The following ENOX1 variants were observed in gnomAD, a reference collection of about 807,000 sequenced individuals.
ENOX1 encodes candidate growth-related and time keeping constitutive hydroquinone (NADH) oxidase.
A neutral mutation model predicts 82.5 loss-of-function variants in ENOX1; 42 were observed. That is an observed-to-expected ratio of 0.51 (90% CI 0.40 to 0.66). The LOEUF (loss-of-function observed/expected upper bound fraction) is 0.66. ENOX1 is among the 30% of genes least tolerant of loss of function. The pLI, the probability that ENOX1 is intolerant of heterozygous loss-of-function variation, is 0.00. For synonymous variants in ENOX1, 271 were observed against 282.2 expected (o/e 0.96, Z 0.40); for missense variants, 608 against 811.6 (o/e 0.75, Z 3.05).
intron 5 of ENOX1, among the ~76,000 whole-genome samples, chr13:43,362,100 T>G (rs1010672872): frequency 3.3e-5 from 5 of 151,900 alleles, no homozygotes; most frequent in African/African-American, 1.2e-4. Flanking sequence ...ACTTTCTTCC[T>G]ATAATTTAGT....
chr13:43,652,487 C>T (rs1463744745), intron 2 of ENOX1, among the ~76,000 whole-genome samples: 1 of 152,064 alleles, frequency 6.6e-6, no homozygotes, highest in Non-Finnish European at 1.5e-5. Flanking sequence ...TTGCTCTGGA[C>T]CACTTAAAGA....
At chr13:43,432,954 C>T (rs953294935) in intron 3 of ENOX1, among the ~76,000 whole-genome samples, 1 of 152,062 alleles carries the variant, frequency 6.6e-6, no homozygotes, top group African/African-American at 2.4e-5. Context: ...ACACTGTGAA[C>T]TCTGGTGTCA....
intron 14 of ENOX1, among the ~76,000 whole-genome samples, chr13:43,253,684 C>A (rs1191647821): frequency 6.6e-6 from 1 of 152,208 alleles, no homozygotes; most frequent in Non-Finnish European, 1.5e-5. Context: ...GAGTAGCATA[C>A]AGAACTAAGA....
chr13:43,744,770 A>G (rs961125378), intron 1 of ENOX1, among the ~76,000 whole-genome samples: 4 of 152,160 alleles, frequency 2.6e-5, no homozygotes, highest in Admixed American at 6.6e-5. Flanking sequence ...CAACAGTACT[A>G]TAGGGGTCTA....
At chr13:43,267,304 T>C (rs1000354564) in intron 13 of ENOX1, among the ~76,000 whole-genome samples, 4 of 152,106 alleles carry the variant, frequency 2.6e-5, no homozygotes, top group Admixed American at 1.3e-4. Flanking sequence ...TCATTGTAAA[T>C]GAGATGAAAG....
At chr13:43,689,415 T>C (rs532744428) in intron 1 of ENOX1, among the ~76,000 whole-genome samples, 1 of 152,240 alleles carries the variant, frequency 6.6e-6, no homozygotes, top group Non-Finnish European at 1.5e-5. Flanking sequence ...CTGTGTTAGA[T>C]ACTTAATCAA....
At chr13:43,220,101 G>A (rs1456297786) in intron 16 of ENOX1, among the ~76,000 whole-genome samples, 1 of 152,126 alleles carries the variant, frequency 6.6e-6, no homozygotes, top group Non-Finnish European at 1.5e-5. Context: ...GAGAAAGAAG[G>A]AAAAGAGGAA....
At chr13:43,320,281 G>T (rs531250298) in intron 11 of ENOX1, among the ~76,000 whole-genome samples, 1 of 152,268 alleles carries the variant, frequency 6.6e-6, no homozygotes, top group African/African-American at 2.4e-5. Flanking sequence ...TGAACTGCTC[G>T]GGGCCTGGCA....
rs899007088 is a variant in ENOX1 at position 43,412,853 on chromosome 13, A to G, written c.62T>C (p.Met21Thr). 2 of 1,613,972 alleles carry G rather than the reference A, an allele frequency of 1.2e-6. No homozygotes were observed. The highest frequency in any genetic ancestry group is 2.2e-5 in the South Asian group (2 of 91,084). Residue 21 changes from methionine (M) to threonine (T), a missense_variant, in exon 4 of 17, where the codon ATG becomes ACG. By Grantham distance (81) the Met-to-Thr change is moderately conservative. Transcript: ENST00000690772. ...TGGCCACTGGCATTTACCTGCAGCC[A>G]TCATCTGAGGAAGCTCCTGGGGAAG... Reference protein sequence around the residue: ...TQLPQELPQMMAAAADGLGSI... With the variant: ...TQLPQELPQMTAAAADGLGSI...
intron 6 of ENOX1, among the ~76,000 whole-genome samples, chr13:43,361,061 C>T (rs576821118): frequency 1.3e-5 from 2 of 152,334 alleles, no homozygotes; most frequent in African/African-American, 4.8e-5. Flanking sequence ...CTAAATCCCA[C>T]ATACTGGCTT....
chr13:43,596,106 C>T (rs533795374), intron 2 of ENOX1, among the ~76,000 whole-genome samples: 1 of 152,158 alleles, frequency 6.6e-6, no homozygotes, highest in African/African-American at 2.4e-5. Flanking sequence ...AATCTCTGAG[C>T]TTTAAAAAGA....
At chr13:43,361,183 GT>G (rs2050479881) in intron 6 of ENOX1, 95 bp downstream of exon 6, 1 of 1,271,218 alleles carries the variant, frequency 7.9e-7, no homozygotes, top group Non-Finnish European at 1.1e-6. Context: ...GTGCATTTAC[GT>G]GTGAGTCACA....
chr13:43,641,279 G>C (rs536110849), intron 2 of ENOX1, among the ~76,000 whole-genome samples: 1 of 152,114 alleles, frequency 6.6e-6, no homozygotes, highest in African/African-American at 2.4e-5. Flanking sequence ...TCAGAGAGGT[G>C]ACCCAAGAAA....
At chr13:43,765,062 C>T (rs539310343) in intron 1 of ENOX1, among the ~76,000 whole-genome samples, 9 of 152,310 alleles carry the variant, frequency 5.9e-5, no homozygotes, top group South Asian at 4.1e-4. Flanking sequence ...CATAGGAACA[C>T]GCCCTGACCT....
intron 8 of ENOX1, among the ~76,000 whole-genome samples, chr13:43,354,860 T>C (rs1042758110): frequency 2.6e-5 from 4 of 152,172 alleles, no homozygotes; most frequent in African/African-American, 9.7e-5. Context: ...CTTTTTATCC[T>C]GGGGAAAAAA....
At chr13:43,370,992 C>T (rs1026626178) in intron 5 of ENOX1, among the ~76,000 whole-genome samples, 11 of 152,032 alleles carry the variant, frequency 7.2e-5, no homozygotes, top group Non-Finnish European at 1.3e-4. Flanking sequence ...GCGATGCACA[C>T]GGGGGAACCA....
intron 3 of ENOX1, among the ~76,000 whole-genome samples, chr13:43,479,597 C>T (rs2058429453): frequency 6.6e-6 from 1 of 152,212 alleles, no homozygotes; most frequent in Non-Finnish European, 1.5e-5. Context: ...CAGAATTTCT[C>T]GTTCTTCGAA....
At chr13:43,616,116 A>ATC (rs2082413892) in intron 2 of ENOX1, among the ~76,000 whole-genome samples, 1 of 7,864 alleles carries the variant, frequency 1.3e-4, no homozygotes, top group African/African-American at 2.8e-4. Flanking sequence ...AGATATCTAT[A>ATC]GATCTATAGA....
intron 2 of ENOX1, among the ~76,000 whole-genome samples, chr13:43,538,832 C>A (rs759373430): frequency 2.4e-4 from 36 of 152,132 alleles, no homozygotes; most frequent in African/African-American, 5.8e-4. Flanking sequence ...CCTCCCCGCC[C>A]CTGCCCTTTT....
Sources: allele counts gnomAD v4.1 joint callset (sites outside exome capture counted in the v4.1 genomes callset), GRCh38; gene constraint gnomAD v4.1.1; transcripts MANE v1.5; gene names NCBI Gene and HGNC (gene_info 2026-07-23, HGNC 2026-07-21).